The following DMRT1 variants were observed in gnomAD, a reference collection of about 807,000 sequenced individuals.
The protein encoded by DMRT1 is doublesex and mab-3 related transcription factor 1, also known as doublesex- and mab-3-related transcription factor 1.
DMRT1 carries 7 observed loss-of-function variants against 32.3 expected under a neutral mutation model. The ratio of observed to expected loss-of-function variants is 0.22; its 90% CI spans 0.12 to 0.41. The LOEUF is 0.41. DMRT1 is among the 10% of genes least tolerant of loss of function. DMRT1 has a pLI of 1.00. For synonymous variants in DMRT1, 278 were observed against 206.1 expected, an observed-to-expected ratio of 1.35 and a Z score of -2.99; for missense variants, 625 against 500.5, an observed-to-expected ratio of 1.25 and a Z score of -2.37.
In DMRT1 at chr9:923,017, G is replaced by A. The variant is rs16926063; in HGVS notation, c.967+6110G>A. Among the ~76,000 whole-genome samples, 12 of 152,148 alleles carry A rather than the reference G, an allele frequency of 7.9e-5. No individual in the cohort carries two copies. The East Asian group carries it at 1.2e-3, about 15-fold the overall frequency. Reference sequence around the variant, plus strand: ...ATACAACTTTTCGAATCCATCTGGCGTTGGCAATGTCGTGGACCAGGGAGT... The same window carrying A: ...ATACAACTTTTCGAATCCATCTGGCATTGGCAATGTCGTGGACCAGGGAGT... On this transcript the variant is annotated intron_variant, in intron 4 of 4. Transcript: ENST00000382276.
intron 2 of DMRT1, among the ~76,000 whole-genome samples, chr9:859,335 T>C (rs1405269135): frequency 6.6e-6 from 1 of 152,126 alleles, no homozygotes; most frequent in Non-Finnish European, 1.5e-5. Context: ...TAACACCTTA[T>C]GCAGTACACT....
Position 894,166 on chromosome 9 carries a change from G to T in DMRT1, c.793G>T (p.Val265Leu). 6.2e-7 allele frequency: 1 copy of T among 1,613,912 alleles called. No homozygotes were observed. Among genetic ancestry groups the T allele is most frequent in the Non-Finnish European group, 8.5e-7 (1 of 1,180,046 alleles). The change falls in exon 3 of 5, where the codon GTG becomes TTG. Residue 265 changes from valine (V) to leucine (L), a missense_variant. By Grantham distance (32) the Val-to-Leu change is conservative (BLOSUM62 1). Around this residue, in one of 3 missense-constraint regions of DMRT1, gnomAD observed 416 missense variants for 321.6 expected, o/e 1.29. Coordinates refer to ENST00000382276, the MANE Select transcript of DMRT1 (RefSeq NM_021951.3). ...NSLRGLPGPY[V>L]PGQTGNQWQM... The stretch of plus-strand genomic sequence containing the variant: ...CCTTCGGGGCCTCCCCGGACCTTAT[G>T]TGCCTGGTCAGACAGGAAACCAGTG...
At chr9:940,951 A>G (rs1003542920) in intron 4 of DMRT1, among the ~76,000 whole-genome samples, 1 of 152,246 alleles carries the variant, frequency 6.6e-6, no homozygotes, top group East Asian at 1.9e-4. Flanking sequence ...TCAATATCTA[A>G]TCATTAGGGA....
rs148095225 is a variant in DMRT1 at position 858,761 on chromosome 9, C to G, written c.538+11618C>G. ...TGGTGGTGGGTGCCAGTAATCCCAA[C>G]TACTTGTGAGGCTAAGGCAGGAGAA... is the stretch of plus-strand genomic sequence containing the variant. On this transcript the variant is annotated intron_variant, in intron 2 of 4. Transcript: ENST00000382276. Among the ~76,000 whole-genome samples the G allele has an allele frequency of 2.8e-3, 431 of 151,336 alleles. 1 individual carries two copies. The highest frequency in any genetic ancestry group is 6.8e-3 in the Middle Eastern group (2 of 294).
chr9:884,288 C>T (rs761751828), intron 2 of DMRT1, among the ~76,000 whole-genome samples: 5 of 151,030 alleles, frequency 3.3e-5, no homozygotes, highest in African/African-American at 7.3e-5. Context: ...TAACACTCCA[C>T]GATCAGTAAG....
In DMRT1 at chr9:916,902, C is replaced by T. The variant is rs143383634; in HGVS notation, c.962C>T (p.Ala321Val). ...EDAPSYPEAR[A>V]SVFSPPSSQD... ...GCTCCCTCTTACCCGGAAGCCAGGG[C>T]GAGCGGTAGGTGTCTGGTCACACAG... Residue 321 changes from alanine (A) to valine (V), a missense_variant, in exon 4 of 5, where the codon GCG becomes GTG. Physicochemically the swap from Ala to Val is moderately conservative, Grantham distance 64. Around this residue, in one of 3 missense-constraint regions of DMRT1, gnomAD observed 416 missense variants for 321.6 expected, o/e 1.29. Coordinates refer to ENST00000382276, the MANE Select transcript of DMRT1 (RefSeq NM_021951.3). 35 of 1,614,004 alleles carry T rather than the reference C, an allele frequency of 2.2e-5. No individual in the cohort carries two copies. Among genetic ancestry groups the T allele is most frequent in the Admixed American group, 1.8e-4 (11 of 59,990 alleles).
chr9:907,793 A>G (rs888942568), intron 3 of DMRT1, among the ~76,000 whole-genome samples: 1 of 151,366 alleles, frequency 6.6e-6, no homozygotes, highest in African/African-American at 2.4e-5. Context: ...ATTCTATTGC[A>G]TTCTGTTCAA....
chr9:885,933 TAAC>T (rs1357285579), intron 2 of DMRT1, among the ~76,000 whole-genome samples: 2 of 152,204 alleles, frequency 1.3e-5, no homozygotes, highest in Admixed American at 6.5e-5. Flanking sequence ...TTATTCATTA[TAAC>T]AACACAGCAC....
intron 4 of DMRT1, among the ~76,000 whole-genome samples, chr9:964,251 A>G (rs936965621): frequency 4.6e-5 from 7 of 152,126 alleles, no homozygotes; most frequent in Admixed American, 4.6e-4. Flanking sequence ...TTTCAAAAAT[A>G]ATACTCATGG....
At chr9:847,515 T>A (rs997913884) in intron 2 of DMRT1, among the ~76,000 whole-genome samples, 4 of 152,180 alleles carry the variant, frequency 2.6e-5, no homozygotes, top group Non-Finnish European at 5.9e-5. Flanking sequence ...ACTGCATCCA[T>A]TTGGGGAAAG....
chr9:900,274 G>A (rs1226161910), intron 3 of DMRT1, among the ~76,000 whole-genome samples: 3 of 152,204 alleles, frequency 2.0e-5, no homozygotes, highest in African/African-American at 7.2e-5. Flanking sequence ...TGCCTGCTGA[G>A]GGTGGAAGGG....
chr9:909,703 A>G (rs1817904169), intron 3 of DMRT1, among the ~76,000 whole-genome samples: 1 of 106,734 alleles, frequency 9.4e-6, no homozygotes, highest in South Asian at 4.0e-4. Context: ...ATGAATACCA[A>G]GGGAGTTTTT....
intron 2 of DMRT1, among the ~76,000 whole-genome samples, chr9:885,022 A>G (rs1472102370): frequency 6.6e-6 from 1 of 152,208 alleles, no homozygotes; most frequent in Non-Finnish European, 1.5e-5. Flanking sequence ...GCATCATAAC[A>G]GCAGATCTGA....
intron 4 of DMRT1, among the ~76,000 whole-genome samples, chr9:919,220 CAG>C (rs897934911): frequency 6.6e-6 from 1 of 152,138 alleles, no homozygotes; most frequent in Non-Finnish European, 1.5e-5. Flanking sequence ...ACTTGAAAGA[CAG>C]TGTTTTCAGT....
At chr9:959,401 G>C (rs1408896829) in intron 4 of DMRT1, among the ~76,000 whole-genome samples, 2 of 152,338 alleles carry the variant, frequency 1.3e-5, no homozygotes, top group East Asian at 3.9e-4. Context: ...GTTTGATGCT[G>C]CTTTTCCCTT....
chr9:863,388 A>G (rs1362514371), intron 2 of DMRT1, among the ~76,000 whole-genome samples: 1 of 151,438 alleles, frequency 6.6e-6, no homozygotes, highest in Non-Finnish European at 1.5e-5. Context: ...TAGAGATGCC[A>G]TGACAGAAGA....
intron 2 of DMRT1, among the ~76,000 whole-genome samples, chr9:854,263 C>A (rs944073492): frequency 6.6e-6 from 1 of 152,014 alleles, no homozygotes. Context: ...ACTACAGGTG[C>A]GCTACATGCC....
At position 841,902 on chromosome 9, in the gene DMRT1, G is replaced by A. The variant is rs1490020850; in HGVS notation, c.64G>A (p.Val22Ile). 4 of 1,611,402 alleles carry A rather than the reference G, an allele frequency of 2.5e-6. No individual in the cohort carries two copies. Among genetic ancestry groups the A allele is most frequent in the Non-Finnish European group, 3.4e-6 (4 of 1,178,984 alleles). ...TPSEAPHAPGVPPQGRAGGFG... is the reference protein window; with the variant it reads ...TPSEAPHAPGIPPQGRAGGFG... Reference sequence around the variant, plus strand: ...GTCGGAAGCCCCTCACGCCCCCGGGGTACCGCCGCAGGGCAGAGCCGGGGG... The same window carrying A: ...GTCGGAAGCCCCTCACGCCCCCGGGATACCGCCGCAGGGCAGAGCCGGGGG... Residue 22 changes from valine to isoleucine, a missense_variant, in exon 1 of 5, where the codon GTA becomes ATA. By Grantham distance (29) the Val-to-Ile change is conservative. Around this residue, in one of 3 missense-constraint regions of DMRT1, gnomAD observed 201 missense variants for 152.0 expected, o/e 1.32. Coordinates refer to ENST00000382276, the MANE Select transcript of DMRT1 (RefSeq NM_021951.3).
chr9:924,088 T>TTTTC (rs71327361), intron 4 of DMRT1, among the ~76,000 whole-genome samples: 3 of 144,258 alleles, frequency 2.1e-5, no homozygotes, highest in Non-Finnish European at 3.0e-5. Context: ...TTTTTTTTTT[T>TTTTC]CCACCTGGAG....
Sources: allele counts gnomAD v4.1 joint callset (sites outside exome capture counted in the v4.1 genomes callset), GRCh38; gene constraint gnomAD v4.1.1; regional missense constraint gnomAD v4.1.1; transcripts MANE v1.5; gene names NCBI Gene and HGNC (gene_info 2026-07-23, HGNC 2026-07-21).